The following BRCA2 variants were observed in gnomAD, a reference collection of about 807,000 sequenced individuals.
The protein encoded by BRCA2 is BRCA2 DNA repair associated.
A neutral mutation model predicts 276.7 loss-of-function variants in BRCA2; 203 were observed. The ratio of observed to expected loss-of-function variants is 0.73; its 90% CI spans 0.65 to 0.82. The LOEUF is 0.82. Ranked by LOEUF, BRCA2 falls within the 40% of genes least tolerant of loss-of-function variation. The pLI is 0.00. For missense variants in BRCA2, 3,920 were observed against 3,915.0 expected (o/e 1.00, Z -0.03); for synonymous variants, 1,289 against 1,338.4 (o/e 0.96, Z 0.81).
chr13:32,331,171 T>G (rs2072389281), intron 9 of BRCA2, 141 bp downstream of exon 9: 2 of 661,484 alleles, frequency 3.0e-6, no homozygotes, highest in South Asian at 1.7e-5. Flanking sequence ...CGATCCTGCC[T>G]CAGCTTGCCA....
At chr13:32,345,013 C>T (rs147214976) in intron 12 of BRCA2, among the ~76,000 whole-genome samples, 22 of 152,088 alleles carry the variant, frequency 1.4e-4, no homozygotes, top group Non-Finnish European at 2.1e-4. Context: ...ATGCCATTAC[C>T]GATCAGAAAA....
At chr13:32,348,717 A>G (rs1026678752) in intron 13 of BRCA2, among the ~76,000 whole-genome samples, 7 of 152,300 alleles carry the variant, frequency 4.6e-5, no homozygotes, top group Admixed American at 6.5e-5. Flanking sequence ...ATAGGACTTA[A>G]GAAATAAGAA....
intron 13 of BRCA2, among the ~76,000 whole-genome samples, chr13:32,348,000 G>A (rs149201989): frequency 7.8e-4 from 119 of 152,106 alleles, no homozygotes; most frequent in Admixed American, 2.0e-3. Flanking sequence ...AGAGGAAATC[G>A]ACTATGAAAA....
rs1555280835 is a variant in BRCA2, at chr13:32,325,061, A to G, written c.317-15A>G. On this transcript the variant is annotated splice_polypyrimidine_tract_variant and intron_variant, in intron 3 of 26. Transcript: ENST00000380152. ...AGAGTATATACATTCTCACTGAATTATTGTACTGTTTCAGGAAGGAATGTT... is the reference window on the plus strand; with the variant it reads ...AGAGTATATACATTCTCACTGAATTGTTGTACTGTTTCAGGAAGGAATGTT... 1.3e-6 allele frequency: 2 copies of G among 1,504,256 alleles called. No homozygotes were observed. The highest frequency in any genetic ancestry group is 1.7e-5 in the Admixed American group (1 of 59,850). 93.2% of individuals were successfully genotyped at this position (1,504,256 alleles called of 1,614,324 possible).
rs786202430 is a variant in BRCA2, at chr13:32,337,752, C to T, written c.3397C>T (p.Pro1133Ser). ...SQFEFTQFRKPSYILQKSTFE... is the reference protein window; with the variant it reads ...SQFEFTQFRKSSYILQKSTFE... ...GTTTGAATTTACTCAGTTTAGAAAA[C>T]CAAGCTACATATTGCAGAAGAGTAC... Residue 1133 changes from proline to serine, a missense_variant, in exon 11 of 27, where the codon CCA becomes TCA. By Grantham distance (74) the Pro-to-Ser change is moderately conservative. Coordinates refer to ENST00000380152, the MANE Select transcript of BRCA2 (RefSeq NM_000059.4). 1 of 1,613,800 alleles carries T rather than the reference C, an allele frequency of 6.2e-7. No individual in the cohort carries two copies.
At chr13:32,376,615 T>G (rs1566251303) in intron 20 of BRCA2, 55 bp from the exon 21 acceptor site, 2 of 1,584,994 alleles carry the variant, frequency 1.3e-6, no homozygotes, top group East Asian at 4.5e-5. Flanking sequence ...TTCTTTAGTT[T>G]TAGTTGCTTT....
chr13:32,377,507 T>G (rs2072882051), intron 21 of BRCA2, among the ~76,000 whole-genome samples: 1 of 151,242 alleles, frequency 6.6e-6, no homozygotes, highest in Admixed American at 6.6e-5. Flanking sequence ...GGAGAATCGC[T>G]TGAATCCAGG....
chr13:32,337,141 T>C lies in BRCA2; in HGVS notation c.2786T>C (p.Leu929Ser), dbSNP rs2227943. ...EPIFKNSTMV[L>S]YGDTGDKQAT... ...ATTTTCAAGAACTCTACCATGGTTT[T>C]ATATGGAGACACAGGTGATAAACAA... The change falls in exon 11 of 27, where the codon TTA (leucine) becomes TCA (serine). Residue 929 changes from leucine to serine, a missense_variant. Physicochemically the swap from Leu to Ser is moderately radical, Grantham distance 145 (BLOSUM62 -2). Around this residue, in one of 2 missense-constraint regions of BRCA2, gnomAD observed 3,263 missense variants for 3,156.9 expected, o/e 1.03. Transcript: ENST00000380152. 5.9e-4 allele frequency: 946 copies of C among 1,613,924 alleles called. 6 individuals are homozygous for C. The African/African-American group carries it at 0.012, about 20-fold the overall frequency.
chr13:32,318,969 C>G, intron 2 of BRCA2, 108 bp from the exon 3 acceptor site: 1 of 1,416,244 alleles, frequency 7.1e-7, no homozygotes, highest in Non-Finnish European at 9.7e-7. Context: ...CAAAAGTAAT[C>G]CATAGTCAAG....
chr13:32,336,623 G>A lies in BRCA2; in HGVS notation c.2268G>A (p.Gln756=), dbSNP rs1593896503. The part of the protein sequence containing the change: ...VEYSDTDFQS[Q]KSLLYDHENA... ...ACAGTGATACTGACTTTCAATCCCA[G>A]AAAAGTCTTTTATATGATCATGAAA... Residue 756 remains glutamine, a synonymous_variant, in exon 11 of 27, where the codon CAG becomes CAA. Transcript: ENST00000380152. 1.2e-6 allele frequency: 2 copies of A among 1,613,864 alleles called. No individual in the cohort carries two copies. The highest frequency in any genetic ancestry group is 2.7e-5 in the African/African-American group (2 of 74,914).
chr13:32,374,855 C>T (rs993741567), intron 20 of BRCA2, among the ~76,000 whole-genome samples: 1 of 152,216 alleles, frequency 6.6e-6, no homozygotes, highest in African/African-American at 2.4e-5. Context: ...GTATAGCAGT[C>T]CCCCACTCCT....
rs146105435 is a variant in BRCA2 at position 32,387,185 on chromosome 13, G to A, written c.9256+7040G>A. On this transcript the variant is annotated intron_variant, in intron 24 of 26. Coordinates refer to ENST00000380152, the MANE Select transcript of BRCA2 (RefSeq NM_000059.4). ...GGATTACCCAGGTGCCGAGGCAAGA[G>A]ACTGAAGGCACAAACTATTTCAGTA... 3.3e-5 allele frequency among the ~76,000 whole-genome samples: 5 copies of A among 152,260 alleles called. No homozygotes were observed. The East Asian group carries it at 9.6e-4, about 29-fold the overall frequency.
In BRCA2 at chr13:32,398,209, TTGTA is replaced by T. The variant is rs80359775; in HGVS notation, c.9699_9702del (p.Cys3233TrpfsTer15). On this transcript the variant is annotated frameshift_variant, in exon 27 of 27. Transcript: ENST00000380152. LOFTEE classifies it low-confidence loss of function (END_TRUNC). ...TATATTATCAAAGTCCTTTATCACT[TTGTA>T]TGGCCAAAAGGAAGTCTGTTTCCAC... The T allele has an allele frequency of 2.4e-5, 38 of 1,612,780 alleles. No individual in the cohort carries two copies. In the Admixed American group the frequency reaches 3.0e-4, roughly 13 times the overall value.
At chr13:32,356,685 G>T (rs1463351662) in intron 15 of BRCA2, 76 bp downstream of exon 15, 4 of 1,508,456 alleles carry the variant, frequency 2.7e-6, no homozygotes, top group South Asian at 1.1e-5. Context: ...ATCTACAAAT[G>T]GCTTTGTTTA....
At chr13:32,385,493 TA>T in intron 24 of BRCA2, 1 of 219,950 alleles carries the variant, frequency 4.5e-6, no homozygotes. Context: ...CTTGAGCTCT[TA>T]AAAACCTCCT....
rs786201410 is a variant in BRCA2, at chr13:32,340,571, C to G, written c.6216C>G (p.Ser2072=). The G allele has an allele frequency of 6.2e-7, 1 of 1,612,144 alleles. No homozygotes were observed. Among genetic ancestry groups the G allele is most frequent in the Non-Finnish European group, 8.5e-7 (1 of 1,179,016 alleles). Residue 2072 remains serine, a synonymous_variant, in exon 11 of 27, where the codon TCC becomes TCG. Coordinates refer to ENST00000380152, the MANE Select transcript of BRCA2 (RefSeq NM_000059.4). ...SGKQVSILES[S]LHKVKGVLEE... ...AGCAAGTTTCCATTTTAGAAAGTTC[C>G]TTACACAAAGTTAAGGGAGTGTTAG... is the stretch of plus-strand genomic sequence containing the variant.
At position 32,337,792 on chromosome 13, in the gene BRCA2, A is replaced by T. The variant is rs80358588; in HGVS notation, c.3437A>T (p.Glu1146Val). Residue 1146 changes from glutamate to valine, a missense_variant, in exon 11 of 27, where the codon GAA becomes GTA. Glu to Val is a moderately radical substitution (Grantham distance 121, BLOSUM62 -2). Transcript: ENST00000380152. ...ILQKSTFEVP[E>V]NQMTILKTTS... ...CAGAAGAGTACATTTGAAGTGCCTG[A>T]AAACCAGATGACTATCTTAAAGACC... 1 of 1,614,072 alleles carries T rather than the reference A, an allele frequency of 6.2e-7. No homozygotes were observed. The highest frequency in any genetic ancestry group is 8.5e-7 in the Non-Finnish European group (1 of 1,179,960).
In BRCA2 at chr13:32,388,691, T is replaced by C. The variant is rs74323923; in HGVS notation, c.9257-5998T>C. Among the ~76,000 whole-genome samples, 616 of 146,390 alleles carry C rather than the reference T, an allele frequency of 4.2e-3. 4 individuals carry two copies. Among genetic ancestry groups the C allele is most frequent in the Non-Finnish European group, 7.5e-3 (502 of 66,836 alleles). ...CTTTTTTTTTTTTTGAGATTGAAAG[T>C]CACATTTATTGCCACGTGAAGGAAA... On this transcript the variant is annotated intron_variant, in intron 24 of 26. Transcript: ENST00000380152.
chr13:32,392,148 AAAAG>A (rs1469121975), intron 24 of BRCA2, among the ~76,000 whole-genome samples: 1 of 152,224 alleles, frequency 6.6e-6, no homozygotes, highest in African/African-American at 2.4e-5. Context: ...ATTTGAAATG[AAAAG>A]AAAGAAAAGA....
Sources: allele counts gnomAD v4.1 joint callset (sites outside exome capture counted in the v4.1 genomes callset), GRCh38; gene constraint gnomAD v4.1.1; regional missense constraint gnomAD v4.1.1; transcripts MANE v1.5; gene names NCBI Gene and HGNC (gene_info 2026-07-23, HGNC 2026-07-21).